DDI2: variants seen among roughly 807,000 people sequenced by gnomAD.
DDI2 encodes protein DDI1 homolog 2.
DDI2 carries 5 observed loss-of-function variants against 48.1 expected under a neutral mutation model. The observed-to-expected ratio is 0.10, with a 90% confidence interval of 0.05 to 0.22. The LOEUF is 0.22. Among genes scored for constraint, DDI2 ranks in the 10% least tolerant of loss-of-function variants. The pLI, the probability that DDI2 is intolerant of heterozygous loss-of-function variation, is 1.00. For missense variants in DDI2, 285 were observed against 506.2 expected, an observed-to-expected ratio of 0.56 and a Z score of 4.19; for synonymous variants, 205 against 183.6, an observed-to-expected ratio of 1.12 and a Z score of -0.94.
intron 3 of DDI2, among the ~76,000 whole-genome samples, chr1:15,632,097 C>T (rs1039643798): frequency 6.6e-6 from 1 of 152,066 alleles, no homozygotes; most frequent in Non-Finnish European, 1.5e-5. Context: ...AGCCACCACT[C>T]CCAGCTCGTG....
At chr1:15,658,322 G>T (rs1386897261) in intron 9 of DDI2, among the ~76,000 whole-genome samples, 1 of 151,540 alleles carries the variant, frequency 6.6e-6, no homozygotes, top group Non-Finnish European at 1.5e-5. Flanking sequence ...GCTAATTTTT[G>T]TATTTTTAGT....
intron 1 of DDI2, among the ~76,000 whole-genome samples, chr1:15,621,819 T>C (rs1639672092): frequency 6.6e-6 from 1 of 152,232 alleles, no homozygotes; most frequent in Admixed American, 6.5e-5. Flanking sequence ...TGAACATCCA[T>C]ATACTTAAGA....
chr1:15,631,539 AT>A (rs1639843584), intron 3 of DDI2, among the ~76,000 whole-genome samples: 1 of 152,220 alleles, frequency 6.6e-6, no homozygotes, highest in Non-Finnish European at 1.5e-5. Flanking sequence ...TCATTCCTCA[AT>A]TGACTGTCTT....
Position 15,660,039 on chromosome 1 carries a change from G to C in DDI2, c.*249G>C, listed in dbSNP as rs762537226. ...AACCTAAAGCTGTGAAGGCTTTGAAGGCTTCAGCTGAATTCCAGCTAAACT... is the reference window on the plus strand; with the variant it reads ...AACCTAAAGCTGTGAAGGCTTTGAACGCTTCAGCTGAATTCCAGCTAAACT... On this transcript the variant is annotated 3_prime_UTR_variant, in exon 10 of 10. Transcript: ENST00000480945. 5.6e-6 allele frequency: 9 copies of C among 1,613,906 alleles called. No homozygotes were observed. The highest frequency in any genetic ancestry group is 7.6e-6 in the Non-Finnish European group (9 of 1,180,002).
At chr1:15,631,822 T>C (rs1639847945) in intron 3 of DDI2, among the ~76,000 whole-genome samples, 1 of 151,980 alleles carries the variant, frequency 6.6e-6, no homozygotes, top group Non-Finnish European at 1.5e-5. Flanking sequence ...TTTTTTTTTC[T>C]TGAGACGGAG....
intron 3 of DDI2, among the ~76,000 whole-genome samples, chr1:15,632,936 A>ATTTTTTT (rs1557614994): frequency 1.6e-5 from 2 of 122,332 alleles, no homozygotes; most frequent in African/African-American, 6.4e-5. Flanking sequence ...TTTTTTAAAA[A>ATTTTTTT]AAAAAAAACA....
intron 1 of DDI2, among the ~76,000 whole-genome samples, chr1:15,625,712 G>A (rs1408216938): frequency 6.6e-6 from 1 of 152,068 alleles, no homozygotes; most frequent in Non-Finnish European, 1.5e-5. Context: ...TTTGCCTCCC[G>A]GGTTTAAGCA....
chr1:15,655,332 T>C (rs1307169297), intron 8 of DDI2, among the ~76,000 whole-genome samples: 1 of 152,164 alleles, frequency 6.6e-6, no homozygotes, highest in African/African-American at 2.4e-5. Flanking sequence ...TAACAACTTC[T>C]TTCTGGCCAA....
intron 2 of DDI2, among the ~76,000 whole-genome samples, chr1:15,628,060 C>CA (rs1639785493): frequency 6.8e-6 from 1 of 147,466 alleles, no homozygotes; most frequent in Non-Finnish European, 1.5e-5. Context: ...GAATTTACTT[C>CA]TTTTTTTTTT....
At chr1:15,619,190 G>T (rs935940381) in intron 1 of DDI2, among the ~76,000 whole-genome samples, 4 of 151,852 alleles carry the variant, frequency 2.6e-5, no homozygotes, top group African/African-American at 7.3e-5. Flanking sequence ...GTGCGTTCTC[G>T]ACTCACTGCA....
intron 2 of DDI2, among the ~76,000 whole-genome samples, chr1:15,628,506 A>G (rs995525162): frequency 5.9e-5 from 9 of 152,232 alleles, no homozygotes; most frequent in African/African-American, 2.2e-4. Flanking sequence ...GGATTGTGCT[A>G]TAATTCTGAT....
chr1:15,650,612 G>T (rs144042605), intron 7 of DDI2, among the ~76,000 whole-genome samples: 1 of 152,084 alleles, frequency 6.6e-6, no homozygotes, highest in African/African-American at 2.4e-5. Flanking sequence ...GCTAGGCGTG[G>T]TGGTACATTA....
At chr1:15,631,044 C>G (rs901801946) in intron 3 of DDI2, among the ~76,000 whole-genome samples, 1 of 152,140 alleles carries the variant, frequency 6.6e-6, no homozygotes, top group East Asian at 1.9e-4. Flanking sequence ...GGGGTTTCAC[C>G]GTGTTAGCCA....
intron 1 of DDI2, among the ~76,000 whole-genome samples, chr1:15,620,166 C>T (rs1317159359): frequency 6.6e-6 from 1 of 152,160 alleles, no homozygotes; most frequent in East Asian, 1.9e-4. Flanking sequence ...AACTTGGGCT[C>T]CAACTGGTGT....
At position 15,649,843 on chromosome 1, in the gene DDI2, A is replaced by T. The variant is rs767825432; in HGVS notation, c.993+20A>T. 10 of 1,591,838 alleles carry T rather than the reference A, an allele frequency of 6.3e-6. No individual in the cohort carries two copies. In the South Asian group the frequency reaches 1.0e-4, roughly 16 times the overall value. On this transcript the variant is annotated intron_variant, in intron 7 of 9. Transcript: ENST00000480945. The stretch of plus-strand genomic sequence containing the variant: ...CACCAGGTAATTAAGAGCTTCACTT[A>T]TTTTTTTTGCATCTGCTTTTTGTAA...
At chr1:15,637,225 T>C (rs1639943429) in intron 4 of DDI2, among the ~76,000 whole-genome samples, 1 of 152,190 alleles carries the variant, frequency 6.6e-6, no homozygotes, top group African/African-American at 2.4e-5. Context: ...TTTCTTTTCC[T>C]TCCTTTTGGT....
In DDI2 at chr1:15,626,567, G is replaced by C. The variant is rs1028317306; in HGVS notation, c.139-102G>C. 6.2e-5 allele frequency: 95 copies of C among 1,524,230 alleles called. No individual in the cohort carries two copies. The African/African-American group carries it at 1.1e-3, about 18-fold the overall frequency. 94.4% of individuals were successfully genotyped at this position (1,524,230 alleles called of 1,614,324 possible). A position where few individuals can be genotyped will look rare whatever the true frequency, so the allele number is the denominator to read the frequency against. On this transcript the variant is annotated intron_variant, in intron 1 of 9. Transcript: ENST00000480945. ...GTGGTGGGAATCCACTGGAGGGTTT[G>C]AAAGGAGGGTGACATCTGATTCAGG...
intron 6 of DDI2, among the ~76,000 whole-genome samples, chr1:15,647,930 C>T (rs1272856840): frequency 6.6e-6 from 1 of 152,180 alleles, no homozygotes; most frequent in Non-Finnish European, 1.5e-5. Flanking sequence ...TGCCAGTGTA[C>T]TTCAGCCTGG....
At chr1:15,618,942 A>G (rs1408207249) in intron 1 of DDI2, among the ~76,000 whole-genome samples, 3 of 152,228 alleles carry the variant, frequency 2.0e-5, no homozygotes, top group East Asian at 1.9e-4. Flanking sequence ...TACTTTGTTC[A>G]GAAGTATGAT....
Sources: gnomAD v4.1 joint callset for allele counts (sites outside exome capture counted in the v4.1 genomes callset) on GRCh38, gnomAD v4.1.1 for gene constraint, MANE v1.5 for transcripts, NCBI Gene and HGNC (gene_info 2026-07-23, HGNC 2026-07-21) for gene names.